Variants in LRP1B observed in about 807,000 individuals in gnomAD.
LRP1B encodes the protein low-density lipoprotein receptor-related protein 1B.
LRP1B carries 217 observed loss-of-function variants against 556.6 expected under a neutral mutation model. The ratio of observed to expected loss-of-function variants is 0.39; its 90% confidence interval spans 0.35 to 0.44. The LOEUF is 0.44. LRP1B is among the 20% of genes least tolerant of loss of function. LRP1B has a pLI of 1.00. For missense variants in LRP1B, 5,053 were observed against 5,620.8 expected, an observed-to-expected ratio of 0.90 and a Z score of 3.23; for synonymous variants, 2,047 against 1,865.8, an observed-to-expected ratio of 1.10 and a Z score of -2.50.
At chr2:140,416,149 T>A (rs535316753) in intron 66 of LRP1B, among the ~76,000 whole-genome samples, 2 of 152,176 alleles carry the variant, frequency 1.3e-5, no homozygotes, top group Non-Finnish European at 2.9e-5. Context: ...ACCTGAACTC[T>A]GCCTCCTGTC....
chr2:140,350,572 T>C (rs1168417649), intron 77 of LRP1B, among the ~76,000 whole-genome samples: 2 of 152,020 alleles, frequency 1.3e-5, no homozygotes, highest in African/African-American at 4.8e-5. Flanking sequence ...TCTTATATAA[T>C]AGTCAAATAC....
At chr2:141,975,178 T>C (rs976085480) in intron 1 of LRP1B, among the ~76,000 whole-genome samples, 2 of 152,030 alleles carry the variant, frequency 1.3e-5, no homozygotes, top group Admixed American at 1.3e-4. Context: ...ATACATGAAC[T>C]GTTGTGTCTG....
At chr2:141,951,961 T>C (rs1301955907) in intron 1 of LRP1B, among the ~76,000 whole-genome samples, 1 of 151,282 alleles carries the variant, frequency 6.6e-6, no homozygotes, top group Non-Finnish European at 1.5e-5. Context: ...ATCATTTACA[T>C]TAGGTATTTC....
chr2:140,606,818 A>C (rs2105214196), intron 41 of LRP1B, among the ~76,000 whole-genome samples: 1 of 152,078 alleles, frequency 6.6e-6, no homozygotes, highest in Non-Finnish European at 1.5e-5. Context: ...AATATACCTT[A>C]AACCTAAACA....
In LRP1B at chr2:141,921,739, A is replaced by T. The variant is rs1700191087; in HGVS notation, c.83-111338T>A. On this transcript the variant is annotated intron_variant, in intron 1 of 90. Coordinates refer to ENST00000389484, the MANE Select transcript of LRP1B (RefSeq NM_018557.3). ...ATTTGTTTTACTTGACCAAATAAAT[A>T]TTTCCTATTCTTTAAAACATTATAT... Among the ~76,000 whole-genome samples, 4 of 152,164 alleles carry T rather than the reference A, an allele frequency of 2.6e-5. No homozygotes were observed. In the South Asian group the frequency reaches 8.3e-4, roughly 31 times the overall value.
chr2:141,346,042 C>T lies in LRP1B; in HGVS notation c.344-91401G>A, dbSNP rs2105527336. On this transcript the variant is annotated intron_variant, in intron 3 of 90. Transcript: ENST00000389484. The stretch of plus-strand genomic sequence containing the variant: ...AATATTCCACTTTAAAAAGTAGCCT[C>T]TTTTTGTTTCAGGATAGTAATATAT... Among the ~76,000 whole-genome samples the T allele has an allele frequency of 3.3e-5, 5 of 151,972 alleles. No homozygotes were observed. The South Asian group carries it at 1.0e-3, about 32-fold the overall frequency.
chr2:141,973,742 A>C (rs943168655), intron 1 of LRP1B, among the ~76,000 whole-genome samples: 4 of 151,906 alleles, frequency 2.6e-5, no homozygotes, highest in Non-Finnish European at 5.9e-5. Context: ...TAAAGTTTTT[A>C]GACAAATACT....
chr2:140,302,974 C>T (rs1403212994), intron 83 of LRP1B, among the ~76,000 whole-genome samples: 1 of 142,006 alleles, frequency 7.0e-6, no homozygotes, highest in African/African-American at 2.6e-5. Flanking sequence ...CCTCAGGCTC[C>T]ATAAGCACAT....
intron 1 of LRP1B, among the ~76,000 whole-genome samples, chr2:141,907,743 G>A (rs986638761): frequency 1.3e-5 from 2 of 152,052 alleles, no homozygotes; most frequent in African/African-American, 4.8e-5. Flanking sequence ...CAGTATCTAT[G>A]GCAATTACTC....
At chr2:141,604,331 T>A (rs910382729) in intron 2 of LRP1B, among the ~76,000 whole-genome samples, 3 of 152,102 alleles carry the variant, frequency 2.0e-5, no homozygotes, top group Non-Finnish European at 2.9e-5. Context: ...GGTCTCCTCA[T>A]GAAGCAAGCT....
chr2:140,464,256 T>A (rs1687449536), intron 60 of LRP1B, among the ~76,000 whole-genome samples: 1 of 151,862 alleles, frequency 6.6e-6, no homozygotes, highest in Non-Finnish European at 1.5e-5. Flanking sequence ...TATTTAGAAA[T>A]CTTTTTCAGA....
At chr2:140,425,699 C>T (rs1327376930) in intron 66 of LRP1B, among the ~76,000 whole-genome samples, 1 of 152,200 alleles carries the variant, frequency 6.6e-6, no homozygotes, top group Non-Finnish European at 1.5e-5. Flanking sequence ...AGCCACCGTA[C>T]CCGTCCCTGT....
chr2:141,433,202 C>T (rs1680630537), intron 3 of LRP1B, among the ~76,000 whole-genome samples: 1 of 151,868 alleles, frequency 6.6e-6, no homozygotes, highest in African/African-American at 2.4e-5. Flanking sequence ...TTCCAAATTT[C>T]CTTCTGTTAT....
intron 21 of LRP1B, among the ~76,000 whole-genome samples, chr2:140,910,518 G>A (rs985012576): frequency 8.6e-5 from 13 of 151,600 alleles, no homozygotes; most frequent in Admixed American, 5.9e-4. Flanking sequence ...CATAGACAAA[G>A]TCACTGGACA....
chr2:140,882,795 C>G (rs1293501864), intron 25 of LRP1B, among the ~76,000 whole-genome samples: 1 of 152,146 alleles, frequency 6.6e-6, no homozygotes, highest in Non-Finnish European at 1.5e-5. Context: ...TCTCTTATCT[C>G]GTTGAACTCC....
chr2:140,311,427 G>T (rs1236253712), intron 83 of LRP1B, among the ~76,000 whole-genome samples: 1 of 151,792 alleles, frequency 6.6e-6, no homozygotes, highest in Non-Finnish European at 1.5e-5. Flanking sequence ...AAACATCTCA[G>T]AAAGTCTATT....
chr2:141,407,372 A>G (rs1690681304), intron 3 of LRP1B, among the ~76,000 whole-genome samples: 1 of 152,188 alleles, frequency 6.6e-6, no homozygotes, highest in Admixed American at 6.5e-5. Context: ...AAACATAAAA[A>G]GGCAAGCCAA....
intron 21 of LRP1B, among the ~76,000 whole-genome samples, chr2:140,915,959 C>A (rs1694566037): frequency 6.6e-6 from 1 of 151,446 alleles, no homozygotes; most frequent in Admixed American, 6.6e-5. Flanking sequence ...ACCCAGGAGA[C>A]AGAGTTTGCA....
intron 35 of LRP1B, among the ~76,000 whole-genome samples, chr2:140,725,053 C>T (rs111858125): frequency 0.047 from 7,094 of 152,146 alleles, 247 homozygotes; most frequent in Middle Eastern, 0.095. Context: ...GTATTAATAC[C>T]TCTAATTTAT....
Sources: allele counts gnomAD v4.1 joint callset (sites outside exome capture counted in the v4.1 genomes callset), GRCh38; gene constraint gnomAD v4.1.1; transcripts MANE v1.5; gene names NCBI Gene and HGNC (gene_info 2026-07-23, HGNC 2026-07-21).